The following C9orf85 variants were observed in gnomAD, a reference collection of about 807,000 sequenced individuals.
C9orf85 encodes uncharacterized protein C9orf85.
C9orf85 carries 16 observed loss-of-function variants against 14.9 expected under a neutral mutation model. That is an observed-to-expected ratio of 1.08 (90% CI 0.73 to 1.63). The LOEUF is 1.63. Ranked by LOEUF, C9orf85 falls within the 40% of genes most tolerant of loss-of-function variation. C9orf85 has a pLI of 0.00. For synonymous variants in C9orf85, 45 were observed against 56.8 expected, an observed-to-expected ratio of 0.79 and a Z score of 0.93; for missense variants, 172 against 186.1, an observed-to-expected ratio of 0.92 and a Z score of 0.44.
intron 2 of C9orf85, among the ~76,000 whole-genome samples, chr9:71,964,184 C>T (rs539702834): frequency 1.1e-3 from 172 of 152,160 alleles, no homozygotes; most frequent in African/African-American, 3.9e-3. Flanking sequence ...CTGGTGGGGA[C>T]GTGGAGAACC....
chr9:71,954,879 C>T (rs536502710), intron 2 of C9orf85, among the ~76,000 whole-genome samples: 1 of 152,170 alleles, frequency 6.6e-6, no homozygotes, highest in African/African-American at 2.4e-5. Context: ...GGTTCACACA[C>T]CTCTGACAGT....
chr9:71,979,130 ATTG>A (rs1418707754), intron 3 of C9orf85, among the ~76,000 whole-genome samples: 1 of 152,232 alleles, frequency 6.6e-6, no homozygotes, highest in African/African-American at 2.4e-5. Flanking sequence ...GTAGTAATGT[ATTG>A]TTGTGAAATC....
rs1823129361 is a variant in C9orf85 at position 71,983,005 on chromosome 9, T to G, written c.*132T>G. ...TCTTTTCTTTTCTTTTTTTTTTTCC[T>G]TGTTTTTTGAGATGGAGTCTTGCTC... On this transcript the variant is annotated 3_prime_UTR_variant, in exon 4 of 4. Coordinates refer to the C9orf85 transcript ENST00000377031. 3.1e-5 allele frequency: 5 copies of G among 160,710 alleles called. 1 individual carries two copies. The South Asian group carries it at 8.1e-4, about 26-fold the overall frequency. 10.0% of individuals were successfully genotyped at this position (160,710 alleles called of 1,614,324 possible). A position where few individuals can be genotyped will look rare whatever the true frequency, so the allele number is the denominator to read the frequency against.
intron 2 of C9orf85, among the ~76,000 whole-genome samples, chr9:71,958,921 G>C (rs1376288551): frequency 6.6e-6 from 1 of 152,032 alleles, no homozygotes; most frequent in Non-Finnish European, 1.5e-5. Context: ...TGAGAACTTG[G>C]ATCTTCATTC....
At chr9:71,916,675 T>C (rs1300941118) in intron 1 of C9orf85, among the ~76,000 whole-genome samples, 1 of 152,206 alleles carries the variant, frequency 6.6e-6, no homozygotes, top group Admixed American at 6.5e-5. Flanking sequence ...AGTTGAGTAT[T>C]ATTTATCTGA....
rs1459173225 is a variant in C9orf85 at position 71,973,431 on chromosome 9, A to G, written c.*589A>G. On this transcript the variant is annotated 3_prime_UTR_variant, in exon 4 of 4. Coordinates refer to ENST00000334731, the MANE Select transcript of C9orf85 (RefSeq NM_182505.5). The stretch of plus-strand genomic sequence containing the variant: ...CTCGGTAAGTGCCTTTTGATAAATG[A>G]TCTCAAATAAATGACTCATAGCAAA... 3 of 152,190 alleles carry G rather than the reference A, an allele frequency of 2.0e-5. No individual in the cohort carries two copies. Among genetic ancestry groups the G allele is most frequent in the Non-Finnish European group, 2.9e-5 (2 of 68,022 alleles). The allele number at this position is 152,190 out of a possible 1,614,324, so 9.4% of individuals were successfully genotyped here.
chr9:71,940,134 T>C (rs1401202237), intron 1 of C9orf85, among the ~76,000 whole-genome samples: 1 of 152,062 alleles, frequency 6.6e-6, no homozygotes, highest in African/African-American at 2.4e-5. Flanking sequence ...TGGGAGAATA[T>C]ATTTGCAAAG....
At chr9:71,972,415 AC>A (rs1032777038) in intron 3 of C9orf85, among the ~76,000 whole-genome samples, 1 of 152,062 alleles carries the variant, frequency 6.6e-6, no homozygotes, top group Admixed American at 6.5e-5. Context: ...TTGCACCACC[AC>A]ACCCAGCTAA....
intron 1 of C9orf85, among the ~76,000 whole-genome samples, chr9:71,937,682 G>A (rs1828224110): frequency 1.3e-5 from 2 of 152,062 alleles, no homozygotes; most frequent in Non-Finnish European, 2.9e-5. Flanking sequence ...AGAGTGAATG[G>A]GAGCAAGAGG....
Position 71,911,811 on chromosome 9 carries a change from A to C in C9orf85, c.77A>C (p.Lys26Thr), listed in dbSNP as rs1355031592. ...HQNTFSFKND[K>T]FDKSVQTKKI... The stretch of plus-strand genomic sequence containing the variant: ...AATACGTTTAGCTTCAAAAATGACA[A>C]GTTCGATAAAAGTGTGCAGACCAAG... Residue 26 changes from lysine (K) to threonine (T), a missense_variant, in exon 1 of 4, where the codon AAG (lysine) becomes ACG (threonine). Lys to Thr is a moderately conservative substitution (Grantham distance 78). Coordinates refer to ENST00000334731, the MANE Select transcript of C9orf85 (RefSeq NM_182505.5). 6.2e-7 allele frequency: 1 copy of C among 1,614,104 alleles called. No homozygotes were observed. Among genetic ancestry groups the C allele is most frequent in the Non-Finnish European group, 8.5e-7 (1 of 1,179,984 alleles).
intron 3 of C9orf85, among the ~76,000 whole-genome samples, chr9:71,979,231 C>T (rs750775602): frequency 2.4e-4 from 36 of 152,052 alleles, no homozygotes; most frequent in African/African-American, 8.2e-4. Flanking sequence ...TGAATCTCAC[C>T]GCTGTGACAC....
At chr9:71,964,946 A>G (rs759485694) in intron 2 of C9orf85, among the ~76,000 whole-genome samples, 4 of 152,230 alleles carry the variant, frequency 2.6e-5, no homozygotes, top group Non-Finnish European at 5.9e-5. Context: ...TAGTCCAGTC[A>G]GGAGCGGCAA....
chr9:71,929,127 A>G (rs1275850563), intron 1 of C9orf85, among the ~76,000 whole-genome samples: 2 of 152,190 alleles, frequency 1.3e-5, no homozygotes, highest in Non-Finnish European at 2.9e-5. Context: ...GTCCTCTTAC[A>G]CCTGCCCCAA....
chr9:71,985,718 G>A (rs971230638), downstream of C9orf85: 12 of 152,156 alleles, frequency 7.9e-5, no homozygotes, highest in African/African-American at 1.7e-4. Flanking sequence ...TATAGCCGAC[G>A]CCTAGGTGCT....
At chr9:71,918,296 A>G (rs1827706462) in intron 1 of C9orf85, 1 of 460,166 alleles carries the variant, frequency 2.2e-6, no homozygotes, top group Non-Finnish European at 3.5e-6. Context: ...TAGTGTTCCT[A>G]TTTTAAAAGA....
intron 2 of C9orf85, among the ~76,000 whole-genome samples, chr9:71,963,618 G>A (rs757532942): frequency 2.0e-4 from 31 of 152,194 alleles, no homozygotes; most frequent in Non-Finnish European, 3.4e-4. Flanking sequence ...TGGGCTTGGC[G>A]GGCCCTGCAC....
At chr9:71,934,961 TA>T in intron 1 of C9orf85, among the ~76,000 whole-genome samples, 1 of 152,258 alleles carries the variant, frequency 6.6e-6, no homozygotes, top group South Asian at 2.1e-4. Flanking sequence ...GCAGAGGACC[TA>T]AGTAGACATT....
At chr9:71,960,028 C>G (rs997799952) in intron 2 of C9orf85, among the ~76,000 whole-genome samples, 1 of 152,138 alleles carries the variant, frequency 6.6e-6, no homozygotes, top group Non-Finnish European at 1.5e-5. Flanking sequence ...GAGAGAGACT[C>G]CACAGATAAT....
chr9:71,976,006 G>A (rs1589277027), downstream of C9orf85, among the ~76,000 whole-genome samples: 1 of 152,026 alleles, frequency 6.6e-6, no homozygotes, highest in South Asian at 2.1e-4. Context: ...ACTTTACCAG[G>A]AAAAAAATTT....
Sources: allele counts gnomAD v4.1 joint callset (sites outside exome capture counted in the v4.1 genomes callset), GRCh38; gene constraint gnomAD v4.1.1; transcripts MANE v1.5; gene names NCBI Gene and HGNC (gene_info 2026-07-23, HGNC 2026-07-21).